ARPP21: variants seen among roughly 807,000 people sequenced by gnomAD.
The protein encoded by ARPP21 is cAMP regulated phosphoprotein 21.
ARPP21 carries 69 observed loss-of-function variants against 113.2 expected under a neutral mutation model. That is an observed-to-expected ratio of 0.61 (90% confidence interval 0.50 to 0.74). The LOEUF is 0.74. ARPP21 is among the 30% of genes least tolerant of loss of function. The pLI is 0.00. For missense variants in ARPP21, 1,070 were observed against 1,037.4 expected (o/e 1.03, Z -0.43); for synonymous variants, 368 against 375.5 (o/e 0.98, Z 0.23).
chr3:35,719,575 T>C (rs2092842576), intron 13 of ARPP21, among the ~76,000 whole-genome samples: 1 of 152,144 alleles, frequency 6.6e-6, no homozygotes, highest in African/African-American at 2.4e-5. Flanking sequence ...CCACCTTCTT[T>C]ACCTAAAAGG....
intron 1 of ARPP21, among the ~76,000 whole-genome samples, chr3:35,657,144 A>G (rs1705354935): frequency 6.6e-6 from 1 of 152,062 alleles, no homozygotes; most frequent in African/African-American, 2.4e-5. Flanking sequence ...TTGCTGCTTT[A>G]AAAATGATTT....
chr3:35,721,592 G>T lies in ARPP21; in HGVS notation c.996-13G>T. The T allele has an allele frequency of 3.4e-6, 5 of 1,490,056 alleles. No homozygotes were observed. Among genetic ancestry groups the T allele is most frequent in the Non-Finnish European group, 4.7e-6 (5 of 1,068,132 alleles). The allele number at this position is 1,490,056 out of a possible 1,614,324, so 92.3% of individuals were successfully genotyped here. A position where few individuals can be genotyped will look rare whatever the true frequency, so the allele number is the denominator to read the frequency against. On this transcript the variant is annotated splice_polypyrimidine_tract_variant and intron_variant, in intron 13 of 20. Transcript: ENST00000684406. ...TCCTGTCCCTGTGCATCTTTCTGGT[G>T]GTCGTACTCCAGGGGCAACAGAGAT...
chr3:35,659,138 A>G (rs1016630446), intron 1 of ARPP21, among the ~76,000 whole-genome samples: 2 of 152,194 alleles, frequency 1.3e-5, no homozygotes, highest in Non-Finnish European at 2.9e-5. Context: ...CTTCAAATAG[A>G]TATGAAAACA....
intron 19 of ARPP21, 106 bp downstream of exon 19, chr3:35,744,071 T>C: frequency 8.4e-7 from 1 of 1,195,368 alleles, no homozygotes. Context: ...AACCAGCACA[T>C]TTTCTCTACC....
chr3:35,653,105 T>A (rs986061429), intron 1 of ARPP21, among the ~76,000 whole-genome samples: 1 of 152,060 alleles, frequency 6.6e-6, no homozygotes, highest in Non-Finnish European at 1.5e-5. Flanking sequence ...TAATTTGTTT[T>A]ATTGTCTTGT....
intron 8 of ARPP21, among the ~76,000 whole-genome samples, chr3:35,690,439 A>G (rs1399007588): frequency 6.6e-6 from 1 of 151,478 alleles, no homozygotes; most frequent in Non-Finnish European, 1.5e-5. Context: ...TAGTTTTTTA[A>G]TGGGCTCCAG....
At chr3:35,714,182 A>G (rs577045196) in intron 11 of ARPP21, among the ~76,000 whole-genome samples, 2 of 152,320 alleles carry the variant, frequency 1.3e-5, no homozygotes, top group African/African-American at 2.4e-5. Context: ...AGGTTTTTGC[A>G]TACTTGAAAT....
intron 5 of ARPP21, chr3:35,685,400 T>A (rs1231990849): frequency 1.0e-6 from 1 of 985,094 alleles, no homozygotes; most frequent in Non-Finnish European, 1.2e-6. Context: ...AGGGGGTTGA[T>A]AGAAAACATC....
chr3:35,778,443 C>A (rs978661463), intron 19 of ARPP21, among the ~76,000 whole-genome samples: 1 of 152,046 alleles, frequency 6.6e-6, no homozygotes, highest in African/African-American at 2.4e-5. Flanking sequence ...GTTCCCTTTT[C>A]ACCTTGGGAT....
chr3:35,689,869 AATAAG>A (rs2081738560), intron 7 of ARPP21, among the ~76,000 whole-genome samples: 1 of 151,630 alleles, frequency 6.6e-6, no homozygotes, highest in South Asian at 2.1e-4. Context: ...ATACTTAACA[AATAAG>A]ATAAGGAATA....
chr3:35,677,762 T>G (rs1461980504), intron 1 of ARPP21, among the ~76,000 whole-genome samples: 1 of 152,000 alleles, frequency 6.6e-6, no homozygotes, highest in East Asian at 1.9e-4. Context: ...ATAGTTTGGG[T>G]TATTTACAAA....
intron 19 of ARPP21, 29 bp downstream of exon 19, chr3:35,743,994 C>T: frequency 6.2e-7 from 1 of 1,613,434 alleles, no homozygotes; most frequent in Non-Finnish European, 8.5e-7. Context: ...CCATTTGCTT[C>T]TCAACCCAGT....
rs184841096 is a variant in ARPP21 at position 35,769,013 on chromosome 3, T to C, written c.2138-23369T>C. Among the ~76,000 whole-genome samples, 46 of 152,296 alleles carry C rather than the reference T, an allele frequency of 3.0e-4. 1 individual carries two copies. Among genetic ancestry groups the C allele is most frequent in the East Asian group, 2.1e-3 (11 of 5,182 alleles). ...GGTAATGGGAAATGATTATCAATAATCCTTGAAGAAATTTCTTTCTCTCTC... is the reference window on the plus strand; with the variant it reads ...GGTAATGGGAAATGATTATCAATAACCCTTGAAGAAATTTCTTTCTCTCTC... On this transcript the variant is annotated intron_variant, in intron 19 of 20. Coordinates refer to ENST00000684406, the MANE Select transcript of ARPP21 (RefSeq NM_001385562.1).
chr3:35,721,919 A>T lies in ARPP21; in HGVS notation c.1225+85A>T, dbSNP rs190016610. The T allele has an allele frequency of 3.8e-4, 305 of 797,224 alleles. 2 individuals carry two copies. The highest frequency in any genetic ancestry group is 7.6e-4 in the South Asian group (38 of 49,882). The allele number at this position is 797,224 out of a possible 1,614,324, so 49.4% of individuals were successfully genotyped here. ...ATGGTCACCATTCCCTCTGACTTTC[A>T]GTTGACTGATAATGATGATATTAAT... On this transcript the variant is annotated intron_variant, in intron 14 of 20. Coordinates refer to ENST00000684406, the MANE Select transcript of ARPP21 (RefSeq NM_001385562.1).
At chr3:35,667,745 T>C (rs2074762626) in intron 1 of ARPP21, among the ~76,000 whole-genome samples, 1 of 151,760 alleles carries the variant, frequency 6.6e-6, no homozygotes, top group African/African-American at 2.4e-5. Flanking sequence ...TAATTTATAA[T>C]GAAATTTTGC....
chr3:35,698,927 A>G (rs1222750953), intron 9 of ARPP21, among the ~76,000 whole-genome samples: 2 of 151,712 alleles, frequency 1.3e-5, no homozygotes, highest in African/African-American at 4.8e-5. Context: ...GCATACTTAG[A>G]AGTGACACAA....
intron 15 of ARPP21, among the ~76,000 whole-genome samples, chr3:35,731,568 T>C (rs1410259896): frequency 6.6e-6 from 1 of 152,188 alleles, no homozygotes; most frequent in Non-Finnish European, 1.5e-5. Context: ...ATTTTGTAAA[T>C]TGAAAAATAT....
At chr3:35,711,097 A>G (rs2090985419) in intron 11 of ARPP21, among the ~76,000 whole-genome samples, 2 of 152,168 alleles carry the variant, frequency 1.3e-5, no homozygotes, top group African/African-American at 4.8e-5. Context: ...TTCTCTCTGT[A>G]GGAATAGAGG....
intron 19 of ARPP21, among the ~76,000 whole-genome samples, chr3:35,764,287 T>C (rs1434962742): frequency 6.6e-6 from 1 of 152,156 alleles, no homozygotes; most frequent in Non-Finnish European, 1.5e-5. Context: ...AACAGTATAA[T>C]ATGCATGCTT....
Sources: gnomAD v4.1 joint callset for allele counts (sites outside exome capture counted in the v4.1 genomes callset) on GRCh38, gnomAD v4.1.1 for gene constraint, MANE v1.5 for transcripts, NCBI Gene and HGNC (gene_info 2026-07-23, HGNC 2026-07-21) for gene names.